Variants in SMCHD1 observed in about 807,000 individuals in gnomAD.
SMCHD1 encodes structural maintenance of chromosomes flexible hinge domain containing 1, also known as structural maintenance of chromosomes flexible hinge domain-containing protein 1.
SMCHD1 carries 78 observed loss-of-function variants against 254.7 expected under a neutral mutation model. The ratio of observed to expected loss-of-function variants is 0.31; its 90% CI spans 0.26 to 0.37. The LOEUF (loss-of-function observed/expected upper bound fraction) is 0.37. SMCHD1 is among the 10% of genes least tolerant of loss of function. The pLI is 1.00. For missense variants in SMCHD1, 1,840 were observed against 2,408.1 expected, an observed-to-expected ratio of 0.76 and a Z score of 4.94; for synonymous variants, 766 against 794.9, an observed-to-expected ratio of 0.96 and a Z score of 0.61.
chr18:2,658,851 TA>T (rs2073155006), intron 1 of SMCHD1, among the ~76,000 whole-genome samples: 1 of 150,770 alleles, frequency 6.6e-6, no homozygotes, highest in Non-Finnish European at 1.5e-5. Flanking sequence ...TATGTATATG[TA>T]TATATACATA....
At position 2,769,975 on chromosome 18, in the gene SMCHD1, A is replaced by T; in HGVS notation, c.4847-14A>T. Reference sequence around the variant, plus strand: ...TTTTTAAATTATTTAAATTATCTCAATTTTTTTTCTTAGATGTTAAGAAGC... The same window carrying T: ...TTTTTAAATTATTTAAATTATCTCATTTTTTTTTCTTAGATGTTAAGAAGC... On this transcript the variant is annotated splice_polypyrimidine_tract_variant and intron_variant, in intron 38 of 47. Transcript: ENST00000320876. 8.9e-6 allele frequency: 14 copies of T among 1,570,638 alleles called. No individual in the cohort carries two copies. The highest frequency in any genetic ancestry group is 1.1e-5 in the Non-Finnish European group (13 of 1,166,468).
At chr18:2,734,443 C>T (rs568362008) in intron 25 of SMCHD1, among the ~76,000 whole-genome samples, 1 of 151,956 alleles carries the variant, frequency 6.6e-6, no homozygotes, top group Non-Finnish European at 1.5e-5. Context: ...TGCACTTCTT[C>T]ATTGACAGTA....
chr18:2,693,001 G>A (rs993010493), intron 7 of SMCHD1, among the ~76,000 whole-genome samples: 1 of 152,174 alleles, frequency 6.6e-6, no homozygotes, highest in African/African-American at 2.4e-5. Flanking sequence ...TGTATATATT[G>A]TAGCTGTGAT....
chr18:2,662,165 CAAAA>C (rs748303423), intron 1 of SMCHD1, among the ~76,000 whole-genome samples: 2 of 58,308 alleles, frequency 3.4e-5, no homozygotes, highest in African/African-American at 1.2e-4. Flanking sequence ...GACTCCGTCT[CAAAA>C]AAAAAAAAAT....
chr18:2,763,876 C>CT, intron 37 of SMCHD1, 87 bp downstream of exon 37: 1 of 1,228,660 alleles, frequency 8.1e-7, no homozygotes, highest in Non-Finnish European at 1.1e-6. Context: ...TTTTGTATAG[C>CT]TATGAAGATG....
chr18:2,742,464 A>G (rs558299935), intron 28 of SMCHD1, among the ~76,000 whole-genome samples: 9 of 152,316 alleles, frequency 5.9e-5, no homozygotes, highest in African/African-American at 1.9e-4. Flanking sequence ...TTGGAACCCT[A>G]AGATAGACTT....
intron 44 of SMCHD1, among the ~76,000 whole-genome samples, chr18:2,780,649 G>A (rs2076143735): frequency 6.6e-6 from 1 of 152,194 alleles, no homozygotes; most frequent in African/African-American, 2.4e-5. Flanking sequence ...GCTATTATGT[G>A]TTGAACTAGC....
In SMCHD1 at chr18:2,748,626, C is replaced by T. The variant is rs573221040; in HGVS notation, c.3927+979C>T. Among the ~76,000 whole-genome samples, 52 of 151,804 alleles carry T rather than the reference C, an allele frequency of 3.4e-4. 1 individual carries two copies. In the South Asian group the frequency reaches 9.2e-3, roughly 27 times the overall value. On this transcript the variant is annotated intron_variant, in intron 30 of 47. Transcript: ENST00000320876. ...GCCAGGCTGGTCTCAAACTCTTGAC[C>T]GCGGGTGATCCACCCGCCTTGGTCT...
Position 2,707,640 on chromosome 18 carries a change from C to T in SMCHD1, c.2141C>T (p.Pro714Leu). 6.3e-7 allele frequency: 1 copy of T among 1,591,240 alleles called. No homozygotes were observed. The highest frequency in any genetic ancestry group is 8.6e-7 in the Non-Finnish European group (1 of 1,166,546). The change falls in exon 16 of 48, where the codon CCT (proline) becomes CTT (leucine). Residue 714 changes from proline to leucine, a missense_variant. Physicochemically the swap from Pro to Leu is moderately conservative, Grantham distance 98 (BLOSUM62 -3). This residue lies in a region of SMCHD1 where 498 missense variants were observed against 743.5 expected (regional missense o/e 0.67). Coordinates refer to ENST00000320876, the MANE Select transcript of SMCHD1 (RefSeq NM_015295.3). ...LPNEVRPAGT[P>L]IGALRIEILN... ...AATGAGGTTAGGCCTGCTGGAACCC[C>T]TATTGGTATGTTTGTTTATTTTTCT...
chr18:2,795,277 T>C (rs1424608008), intron 45 of SMCHD1, among the ~76,000 whole-genome samples: 4 of 149,696 alleles, frequency 2.7e-5, no homozygotes, highest in African/African-American at 9.8e-5. Flanking sequence ...CAGGATGGTC[T>C]TTATCTCCTG....
At chr18:2,691,547 A>C (rs1215948203) in intron 7 of SMCHD1, 3 of 152,236 alleles carry the variant, frequency 2.0e-5, no homozygotes, top group Non-Finnish European at 2.9e-5. Flanking sequence ...AAAGCTCTCA[A>C]ATCTGTGTTT....
At chr18:2,792,197 CAG>C (rs1026472165) in intron 45 of SMCHD1, among the ~76,000 whole-genome samples, 1 of 152,138 alleles carries the variant, frequency 6.6e-6, no homozygotes, top group African/African-American at 2.4e-5. Flanking sequence ...CTGTCAAAAA[CAG>C]ATTGTATGTA....
In SMCHD1 at chr18:2,739,538, T is replaced by C. The variant is rs757875061; in HGVS notation, c.3514+18T>C. On this transcript the variant is annotated intron_variant, in intron 27 of 47. Coordinates refer to ENST00000320876, the MANE Select transcript of SMCHD1 (RefSeq NM_015295.3). Reference sequence around the variant, plus strand: ...AGAAGTAGGTTAGTATGGCTTGCTTTAAAAAACAAACAACAAAAAAATCTT... The same window carrying C: ...AGAAGTAGGTTAGTATGGCTTGCTTCAAAAAACAAACAACAAAAAAATCTT... 1.9e-6 allele frequency: 3 copies of C among 1,592,956 alleles called. No individual in the cohort carries two copies.
At chr18:2,721,179 T>C (rs1174584057) in intron 19 of SMCHD1, among the ~76,000 whole-genome samples, 1 of 152,192 alleles carries the variant, frequency 6.6e-6, no homozygotes, top group Non-Finnish European at 1.5e-5. Context: ...CTCTGCTTGC[T>C]TTGTTGTTTG....
intron 44 of SMCHD1, among the ~76,000 whole-genome samples, chr18:2,780,406 A>G (rs2076138243): frequency 6.6e-6 from 1 of 152,180 alleles, no homozygotes; most frequent in African/African-American, 2.4e-5. Context: ...ACACTGTACC[A>G]GAAACTGGCT....
chr18:2,687,149 A>G (rs2074070371), intron 5 of SMCHD1, among the ~76,000 whole-genome samples: 1 of 152,192 alleles, frequency 6.6e-6, no homozygotes, highest in African/African-American at 2.4e-5. Context: ...GAAGGTATTT[A>G]AAGTGTGACT....
chr18:2,705,558 C>T, intron 13 of SMCHD1, 136 bp from the exon 14 acceptor site: 1 of 425,546 alleles, frequency 2.3e-6, no homozygotes, highest in Non-Finnish European at 4.2e-6. Context: ...ATGCTGTTTT[C>T]ATTAGTTTTT....
intron 17 of SMCHD1, among the ~76,000 whole-genome samples, chr18:2,715,324 G>C (rs935610522): frequency 6.6e-6 from 1 of 151,956 alleles, no homozygotes; most frequent in Non-Finnish European, 1.5e-5. Flanking sequence ...TATTTTGTCT[G>C]ATTGATTAAT....
intron 47 of SMCHD1, among the ~76,000 whole-genome samples, chr18:2,797,211 T>C (rs1340702885): frequency 3.3e-5 from 5 of 152,214 alleles, no homozygotes; most frequent in African/African-American, 4.8e-5. Context: ...ATTTTTGGTT[T>C]GGAGAATCAG....
Sources: allele counts gnomAD v4.1 joint callset (sites outside exome capture counted in the v4.1 genomes callset), GRCh38; gene constraint gnomAD v4.1.1; regional missense constraint gnomAD v4.1.1; transcripts MANE v1.5; gene names NCBI Gene and HGNC (gene_info 2026-07-23, HGNC 2026-07-21).